The following HDLBP variants were observed in gnomAD, a reference collection of about 807,000 sequenced individuals.
The protein encoded by HDLBP is high density lipoprotein binding protein.
Under a neutral mutation model 137.3 loss-of-function variants are expected in HDLBP, and 30 were observed. That is an observed-to-expected ratio of 0.22 (90% confidence interval 0.16 to 0.30). The LOEUF is 0.30. Among genes scored for constraint, HDLBP ranks in the 10% least tolerant of loss-of-function variants. The pLI, the probability that HDLBP is intolerant of heterozygous loss-of-function variation, is 1.00. For missense variants in HDLBP, 1,119 were observed against 1,667.3 expected (o/e 0.67, Z 5.73); for synonymous variants, 606 against 596.0 (o/e 1.02, Z -0.24).
chr2:241,280,563 T>G (rs2074557911), intron 1 of HDLBP, among the ~76,000 whole-genome samples: 1 of 152,214 alleles, frequency 6.6e-6, no homozygotes, highest in Non-Finnish European at 1.5e-5. Context: ...TTCTCTGGCT[T>G]ATTTCTTTGA....
chr2:241,252,175 A>G (rs1559504168), intron 11 of HDLBP, among the ~76,000 whole-genome samples: 1 of 152,004 alleles, frequency 6.6e-6, no homozygotes, highest in Non-Finnish European at 1.5e-5. Context: ...TGAGGCATAT[A>G]GCGACCTTGG....
intron 12 of HDLBP, among the ~76,000 whole-genome samples, chr2:241,248,788 C>T (rs1490849373): frequency 6.6e-6 from 1 of 152,074 alleles, no homozygotes. Flanking sequence ...GCTCGGACCA[C>T]TTTCCCCGCA....
intron 1 of HDLBP, among the ~76,000 whole-genome samples, chr2:241,282,897 TGAAA>T (rs2074658852): frequency 6.6e-6 from 1 of 151,996 alleles, no homozygotes; most frequent in African/African-American, 2.4e-5. Flanking sequence ...AGTGTTCAAG[TGAAA>T]GGAAGAGCTG....
intron 1 of HDLBP, 90 bp from the exon 2 acceptor site, chr2:241,268,631 A>C (rs1473808263): frequency 1.1e-5 from 4 of 363,342 alleles, no homozygotes; most frequent in South Asian, 1.1e-4. Flanking sequence ...TTTTTACCTC[A>C]AAATCAGAAA....
At chr2:241,300,480 CA>C (rs2075355533) in intron 1 of HDLBP, among the ~76,000 whole-genome samples, 1 of 152,136 alleles carries the variant, frequency 6.6e-6, no homozygotes, top group African/African-American at 2.4e-5. Flanking sequence ...CACACATTTC[CA>C]CCACTTCAAG....
intron 1 of HDLBP, among the ~76,000 whole-genome samples, chr2:241,308,923 C>G (rs1160587048): frequency 6.6e-6 from 1 of 152,206 alleles, no homozygotes; most frequent in Non-Finnish European, 1.5e-5. Context: ...GGCTTCTTCC[C>G]TGACCTGCCC....
chr2:241,264,682 C>T (rs2073512342), intron 3 of HDLBP, 77 bp from the exon 4 acceptor site: 10 of 1,374,462 alleles, frequency 7.3e-6, no homozygotes, highest in Non-Finnish European at 9.2e-6. Context: ...GGTTTTAGTG[C>T]TTAAAAACAG....
In HDLBP at chr2:241,239,584, G is replaced by A. The variant is rs746351886; in HGVS notation, c.2610+18C>T. ...CACTGGGGGGTGAGAACCCCTCCCC[G>A]AGCACCCAAGTGCCTACCAGGTCCT... On this transcript the variant is annotated intron_variant, in intron 19 of 27. Coordinates refer to ENST00000310931, the MANE Select transcript of HDLBP (RefSeq NM_005336.6). This position sits in a 1 kb window ranked among gnomAD's most constrained non-coding sequence, Gnocchi z 4.6. 4.4e-6 allele frequency: 7 copies of A among 1,607,876 alleles called. No homozygotes were observed. The highest frequency in any genetic ancestry group is 5.1e-6 in the Non-Finnish European group (6 of 1,174,848).
intron 1 of HDLBP, among the ~76,000 whole-genome samples, chr2:241,309,587 A>T (rs1008327534): frequency 6.6e-6 from 1 of 152,218 alleles, no homozygotes; most frequent in African/African-American, 2.4e-5. Flanking sequence ...CCTGAATTAA[A>T]AACAGAGTTG....
intron 26 of HDLBP, 23 bp from the exon 27 acceptor site, chr2:241,229,984 CAG>C (rs1484055381): frequency 6.3e-7 from 1 of 1,583,978 alleles, no homozygotes. Flanking sequence ...GACAGGAAGA[CAG>C]GGTCAGTCTG....
Position 241,234,890 on chromosome 2 carries a change from A to G in HDLBP, c.3144+231T>C, listed in dbSNP as rs148731591. 3.1e-3 allele frequency among the ~76,000 whole-genome samples: 466 copies of G among 152,288 alleles called. 6 individuals are homozygous for G. The highest frequency in any genetic ancestry group is 0.02 in the Middle Eastern group (6 of 294). ...GTTTTGAGAGAAACTGCAAATTTAC[A>G]CGGAAGTCCAACTTTGTCACTTTTT... On this transcript the variant is annotated intron_variant, in intron 23 of 27. Coordinates refer to ENST00000310931, the MANE Select transcript of HDLBP (RefSeq NM_005336.6).
Position 241,248,483 on chromosome 2 carries a change from G to T in HDLBP, c.1513-135C>A, listed in dbSNP as rs1487280273. 3 of 703,364 alleles carry T rather than the reference G, an allele frequency of 4.3e-6. No homozygotes were observed. In the East Asian group the frequency reaches 7.9e-5, roughly 19 times the overall value. 43.6% of individuals were successfully genotyped at this position (703,364 alleles called of 1,614,324 possible). A position where few individuals can be genotyped will look rare whatever the true frequency, so the allele number is the denominator to read the frequency against. ...TGAGGTGGTCTCCAGGTGGCACCTC[G>T]TAGCACCCCGGGAGCAACCAGCTGT... On this transcript the variant is annotated intron_variant, in intron 12 of 27. Coordinates refer to ENST00000310931, the MANE Select transcript of HDLBP (RefSeq NM_005336.6).
intron 2 of HDLBP, chr2:241,267,673 C>A (rs2073781456): frequency 6.5e-7 from 1 of 1,535,638 alleles, no homozygotes; most frequent in Non-Finnish European, 8.7e-7. Context: ...AAACCACCTC[C>A]AAATCTCGAC....
At chr2:241,248,980 A>G (rs2071897639) in intron 12 of HDLBP, among the ~76,000 whole-genome samples, 1 of 152,138 alleles carries the variant, frequency 6.6e-6, no homozygotes, top group South Asian at 2.1e-4. Context: ...CTATTGGCTG[A>G]CAGAGAAGTA....
At chr2:241,244,284 A>G (rs935325801) in intron 16 of HDLBP, among the ~76,000 whole-genome samples, 2 of 152,240 alleles carry the variant, frequency 1.3e-5, no homozygotes, top group Non-Finnish European at 1.5e-5. Context: ...GGCTAACACA[A>G]CAAAATGCTC....
At chr2:241,249,098 G>A (rs541418351) in intron 12 of HDLBP, among the ~76,000 whole-genome samples, 1 of 152,278 alleles carries the variant, frequency 6.6e-6, no homozygotes, top group African/African-American at 2.4e-5. Context: ...TGAGCTCCGG[G>A]AAGGCCACAA....
intron 1 of HDLBP, among the ~76,000 whole-genome samples, chr2:241,303,824 T>C (rs2075472331): frequency 6.6e-6 from 1 of 152,220 alleles, no homozygotes; most frequent in African/African-American, 2.4e-5. Flanking sequence ...ACTTCTTTTT[T>C]TGGAGACGGA....
At chr2:241,287,260 G>A (rs562328343) in intron 1 of HDLBP, among the ~76,000 whole-genome samples, 153 of 151,770 alleles carry the variant, frequency 1.0e-3, no homozygotes, top group African/African-American at 3.5e-3. Context: ...ACAGGCGTGC[G>A]CCACCACACC....
Position 241,238,428 on chromosome 2 carries a change from C to G in HDLBP, c.2749+221G>C. The G allele has an allele frequency of 5.2e-6, 2 of 385,846 alleles. No individual in the cohort carries two copies. The highest frequency in any genetic ancestry group is 9.2e-6 in the Non-Finnish European group (2 of 216,690). The allele number at this position is 385,846 out of a possible 1,614,324, so 23.9% of individuals were successfully genotyped here. On this transcript the variant is annotated intron_variant, in intron 20 of 27. Transcript: ENST00000310931. This position sits in a 1 kb window ranked among gnomAD's most constrained non-coding sequence, Gnocchi z 4.9. ...CCTTGGGACTGGCTACCTTGTGTGT[C>G]TCTAGGACCTATGAAGGTCACCTGG...
Sources: gnomAD v4.1 joint callset for allele counts (sites outside exome capture counted in the v4.1 genomes callset) on GRCh38, gnomAD v4.1.1 for gene constraint, Gnocchi (gnomAD v3.1) non-coding constraint, MANE v1.5 for transcripts, NCBI Gene and HGNC (gene_info 2026-07-23, HGNC 2026-07-21) for gene names.